FSTL5: variants seen among roughly 807,000 people sequenced by gnomAD.
FSTL5 encodes follistatin like 5.
A neutral mutation model predicts 89.1 loss-of-function variants in FSTL5; 62 were observed. The ratio of observed to expected loss-of-function variants is 0.70; its 90% confidence interval spans 0.57 to 0.86. The LOEUF (loss-of-function observed/expected upper bound fraction) is 0.86. Ranked by LOEUF, FSTL5 falls within the 40% of genes least tolerant of loss-of-function variation. FSTL5 has a pLI of 0.00. For missense variants in FSTL5, 1,057 were observed against 1,001.6 expected, an observed-to-expected ratio of 1.06 and a Z score of -0.75; for synonymous variants, 383 against 346.2, an observed-to-expected ratio of 1.11 and a Z score of -1.18.
At chr4:161,674,189 T>C (rs1737220364) in intron 6 of FSTL5, among the ~76,000 whole-genome samples, 1 of 152,060 alleles carries the variant, frequency 6.6e-6, no homozygotes, top group Non-Finnish European at 1.5e-5. Flanking sequence ...TATACAGATA[T>C]ATAAACATAT....
chr4:161,492,535 T>C (rs183127767), intron 12 of FSTL5, among the ~76,000 whole-genome samples: 38 of 152,280 alleles, frequency 2.5e-4, no homozygotes, highest in African/African-American at 8.9e-4. Context: ...TATTGTTTTC[T>C]AAAATTAAAA....
chr4:161,427,757 G>C (rs17397608), intron 15 of FSTL5, among the ~76,000 whole-genome samples: 15,686 of 152,176 alleles, frequency 0.1, 831 homozygotes, highest in Non-Finnish European at 0.12. Context: ...GCCATATTAT[G>C]AATGTGACAA....
chr4:161,547,944 A>G (rs1188102407), intron 8 of FSTL5, among the ~76,000 whole-genome samples: 1 of 151,908 alleles, frequency 6.6e-6, no homozygotes, highest in Admixed American at 6.6e-5. Context: ...TATATTAACT[A>G]TCTACAAATA....
chr4:161,701,604 G>A (rs1738394331), intron 6 of FSTL5, among the ~76,000 whole-genome samples: 1 of 151,878 alleles, frequency 6.6e-6, no homozygotes, highest in Non-Finnish European at 1.5e-5. Flanking sequence ...TGACTTTTAT[G>A]ACTAATTTAT....
rs1732845423 is a variant in FSTL5 at position 161,887,420 on chromosome 4, T to TATCTATCTATCTATCC, written c.409+32983_409+32984insGGATAGATAGATAGAT. 7.5e-5 allele frequency among the ~76,000 whole-genome samples: 4 copies of TATCTATCTATCTATCC among 53,628 alleles called. No homozygotes were observed. In the East Asian group the frequency reaches 2.2e-3, roughly 29 times the overall value. 35.2% of individuals were successfully genotyped at this position (53,628 alleles called of 152,430 possible). ...CTATCTATCTATCTATCTATCTATC[T>TATCTATCTATCTATCC]ATCTATCATCTATCTACCTATCATC... On this transcript the variant is annotated intron_variant, in intron 4 of 15. Transcript: ENST00000306100.
At chr4:161,410,277 G>A (rs1731542309) in intron 15 of FSTL5, among the ~76,000 whole-genome samples, 1 of 152,144 alleles carries the variant, frequency 6.6e-6, no homozygotes, top group African/African-American at 2.4e-5. Flanking sequence ...CATGATAAGA[G>A]TGAGAGACTT....
intron 4 of FSTL5, among the ~76,000 whole-genome samples, chr4:161,785,416 G>A (rs1026373126): frequency 6.6e-6 from 1 of 152,058 alleles, no homozygotes; most frequent in Non-Finnish European, 1.5e-5. Context: ...TGGTTGATAA[G>A]GTTTTTTAAT....
intron 6 of FSTL5, among the ~76,000 whole-genome samples, chr4:161,731,751 T>G (rs1560814844): frequency 6.6e-6 from 1 of 151,524 alleles, no homozygotes; most frequent in Non-Finnish European, 1.5e-5. Context: ...TAGAATCTAG[T>G]ATGTGCTAAT....
intron 3 of FSTL5, among the ~76,000 whole-genome samples, chr4:161,940,547 C>A (rs193112842): frequency 1.3e-5 from 2 of 150,892 alleles, no homozygotes; most frequent in South Asian, 4.2e-4. Context: ...AAAAAAAAAA[C>A]TTCAATACAA....
intron 2 of FSTL5, among the ~76,000 whole-genome samples, chr4:162,078,144 G>C (rs1729943933): frequency 6.6e-6 from 1 of 151,806 alleles, no homozygotes; most frequent in South Asian, 2.1e-4. Flanking sequence ...GAAGGTAGAA[G>C]TTTTCCACAC....
chr4:161,698,539 G>A (rs1427736738), intron 6 of FSTL5, among the ~76,000 whole-genome samples: 1 of 152,156 alleles, frequency 6.6e-6, no homozygotes, highest in Non-Finnish European at 1.5e-5. Context: ...AAATTAGTGT[G>A]GAGAAACAAC....
chr4:161,811,732 A>C (rs1341740309), intron 4 of FSTL5, among the ~76,000 whole-genome samples: 1 of 152,180 alleles, frequency 6.6e-6, no homozygotes, highest in African/African-American at 2.4e-5. Flanking sequence ...ATGCCATTCT[A>C]TGTGAAATCA....
intron 1 of FSTL5, among the ~76,000 whole-genome samples, chr4:162,118,577 C>T (rs1166683484): frequency 2.0e-5 from 3 of 152,102 alleles, no homozygotes; most frequent in African/African-American, 7.2e-5. Context: ...CAATGGATTC[C>T]CTCTTTCAGA....
At chr4:161,437,435 C>T (rs1305646628) in intron 15 of FSTL5, among the ~76,000 whole-genome samples, 12 of 151,576 alleles carry the variant, frequency 7.9e-5, no homozygotes, top group South Asian at 6.3e-4. Flanking sequence ...GGCGTGGTGG[C>T]GGGCGCCTTT....
chr4:161,793,840 C>T (rs185069105), intron 4 of FSTL5, among the ~76,000 whole-genome samples: 177 of 151,964 alleles, frequency 1.2e-3, no homozygotes, highest in Admixed American at 3.9e-3. Flanking sequence ...AATTCCTGAC[C>T]ACAGGTGACC....
rs1276980884 is a variant in FSTL5 at position 162,096,200 on chromosome 4, T to G, written c.126+15071A>C. 3.9e-5 allele frequency among the ~76,000 whole-genome samples: 6 copies of G among 151,900 alleles called. No homozygotes were observed. In the South Asian group the frequency reaches 6.2e-4, roughly 16 times the overall value. On this transcript the variant is annotated intron_variant, in intron 2 of 15. Transcript: ENST00000306100. The stretch of plus-strand genomic sequence containing the variant: ...GAATCATCCTCAATTTTTAAATATA[T>G]ATTTCTTTGTTGCAAGTCTTCATCC...
intron 1 of FSTL5, among the ~76,000 whole-genome samples, chr4:162,156,106 C>G (rs75047722): frequency 0.051 from 7,734 of 152,156 alleles, 316 homozygotes; most frequent in East Asian, 0.21. Flanking sequence ...TACCTTAAGA[C>G]TTGGTTTCAG....
At chr4:161,877,705 A>G (rs1732492056) in intron 4 of FSTL5, among the ~76,000 whole-genome samples, 1 of 151,820 alleles carries the variant, frequency 6.6e-6, no homozygotes, top group South Asian at 2.1e-4. Context: ...GGGCCCCTGT[A>G]GTCCCAGCTA....
intron 4 of FSTL5, among the ~76,000 whole-genome samples, chr4:161,886,128 G>A (rs1732799509): frequency 6.6e-6 from 1 of 152,154 alleles, no homozygotes; most frequent in African/African-American, 2.4e-5. Flanking sequence ...CCTACACAGA[G>A]ATTACTATCT....
Sources: gnomAD v4.1 joint callset for allele counts (sites outside exome capture counted in the v4.1 genomes callset) on GRCh38, gnomAD v4.1.1 for gene constraint, MANE v1.5 for transcripts, NCBI Gene and HGNC (gene_info 2026-07-23, HGNC 2026-07-21) for gene names.